The following F13A1 variants were observed in gnomAD, a reference collection of about 807,000 sequenced individuals.
The protein encoded by F13A1 is FSF, A subunit.
In F13A1, 47 loss-of-function variants were observed where a neutral mutation model predicts 80.1. That is an observed-to-expected ratio of 0.59 (90% CI 0.46 to 0.75). F13A1 has a LOEUF of 0.75. Among genes scored for constraint, F13A1 ranks in the 30% least tolerant of loss-of-function variants. The pLI, the probability that F13A1 is intolerant of heterozygous loss-of-function variation, is 0.00. For synonymous variants in F13A1, 349 were observed against 344.9 expected (o/e 1.01, Z -0.13); for missense variants, 817 against 930.4 (o/e 0.88, Z 1.59).
chr6:6,173,720 C>T (rs1002785275), intron 12 of F13A1, among the ~76,000 whole-genome samples: 8 of 152,130 alleles, frequency 5.3e-5, no homozygotes, highest in South Asian at 4.1e-4. Flanking sequence ...TATGTCAGCG[C>T]GTGTATCTTT....
intron 3 of F13A1, among the ~76,000 whole-genome samples, chr6:6,284,940 G>A (rs1348172086): frequency 6.6e-6 from 1 of 152,184 alleles, no homozygotes; most frequent in African/African-American, 2.4e-5. Flanking sequence ...AACTGTATCA[G>A]TATAGCTCAA....
chr6:6,221,708 A>G (rs1475867304), intron 8 of F13A1, among the ~76,000 whole-genome samples: 1 of 152,230 alleles, frequency 6.6e-6, no homozygotes, highest in Admixed American at 6.5e-5. Context: ...GCTTGGCTCC[A>G]ATACTTCTGC....
intron 11 of F13A1, among the ~76,000 whole-genome samples, chr6:6,180,696 G>A (rs1760965048): frequency 6.6e-6 from 1 of 152,172 alleles, no homozygotes; most frequent in South Asian, 2.1e-4. Flanking sequence ...ATAACCAACA[G>A]AAGAGGAAAA....
At chr6:6,234,606 G>A (rs1418989891) in intron 6 of F13A1, among the ~76,000 whole-genome samples, 4 of 151,968 alleles carry the variant, frequency 2.6e-5, no homozygotes, top group Admixed American at 1.3e-4. Flanking sequence ...ATAGGAGAAA[G>A]AGGAGAGGAA....
intron 10 of F13A1, among the ~76,000 whole-genome samples, chr6:6,184,226 G>T (rs1029120965): frequency 4.6e-5 from 7 of 152,220 alleles, no homozygotes; most frequent in African/African-American, 1.7e-4. Flanking sequence ...GACTCAGAAG[G>T]GGGAGGCAAA....
Position 6,250,853 on chromosome 6 carries a change from T to G in F13A1, c.648A>C (p.Gly216=). 6.2e-7 allele frequency: 1 copy of G among 1,613,732 alleles called. No individual in the cohort carries two copies. The highest frequency in any genetic ancestry group is 8.5e-7 in the Non-Finnish European group (1 of 1,179,772). Residue 216 remains glycine, a synonymous_variant, in exon 5 of 15, where the codon GGA becomes GGC. Coordinates refer to ENST00000264870, the MANE Select transcript of F13A1 (RefSeq NM_000129.4). The surrounding 1 kb of genome is among the most constrained non-coding windows in gnomAD (Gnocchi z 4.2). ...TTCTGGTCTTGATGTCATTGACCTC[T>G]CCATAAAAAATTACCCCGATGTCAT... ...VLNDIGVIFY[G]EVNDIKTRSW...
At chr6:6,169,235 C>T (rs903224650) in intron 12 of F13A1, 3 of 152,276 alleles carry the variant, frequency 2.0e-5, no homozygotes, top group African/African-American at 7.2e-5. Context: ...AGAATCAGCC[C>T]TGCAGACAGC....
At chr6:6,153,416 A>T (rs1300071120) in intron 13 of F13A1, among the ~76,000 whole-genome samples, 1 of 152,222 alleles carries the variant, frequency 6.6e-6, no homozygotes, top group Non-Finnish European at 1.5e-5. Context: ...TACAATTATT[A>T]TATATCGATT....
chr6:6,180,514 TG>T (rs1220096484), intron 11 of F13A1, among the ~76,000 whole-genome samples: 1 of 152,250 alleles, frequency 6.6e-6, no homozygotes, highest in Non-Finnish European at 1.5e-5. Flanking sequence ...AACTTTTCTA[TG>T]AACTTGCTTT....
Position 6,195,879 on chromosome 6 carries a change from T to G in F13A1, c.1223A>C (p.Tyr408Ser). ...TTGAACCGAGGCGGGGCCACACCGA[T>G]ACATGCCTGCATTGCACAGAGGAAG... ...STPQENSDGM[Y>S]RCGPASVQAI... Residue 408 changes from tyrosine to serine, a missense_variant, in exon 10 of 15, where the codon TAT (tyrosine) becomes TCT (serine). Transcript: ENST00000264870. 6.2e-7 allele frequency: 1 copy of G among 1,614,114 alleles called. No individual in the cohort carries two copies. Among genetic ancestry groups the G allele is most frequent in the Non-Finnish European group, 8.5e-7 (1 of 1,179,984 alleles).
intron 13 of F13A1, among the ~76,000 whole-genome samples, chr6:6,165,446 A>C (rs1760654537): frequency 6.6e-6 from 1 of 152,162 alleles, no homozygotes; most frequent in South Asian, 2.1e-4. Flanking sequence ...ATTAAATTCT[A>C]TTTTCTGCTG....
intron 8 of F13A1, among the ~76,000 whole-genome samples, chr6:6,221,267 T>A (rs772871069): frequency 5.9e-5 from 9 of 152,204 alleles, no homozygotes; most frequent in Non-Finnish European, 1.3e-4. Flanking sequence ...AAATGGAATT[T>A]CCCTGGGATC....
chr6:6,289,214 T>C (rs1259886730), intron 3 of F13A1, among the ~76,000 whole-genome samples: 1 of 152,138 alleles, frequency 6.6e-6, no homozygotes, highest in East Asian at 1.9e-4. Context: ...CTGTCACTGC[T>C]ATCCATGGTG....
intron 6 of F13A1, among the ~76,000 whole-genome samples, chr6:6,239,716 G>A (rs1462335089): frequency 9.5e-6 from 1 of 105,152 alleles, no homozygotes; most frequent in Non-Finnish European, 1.9e-5. Flanking sequence ...TGTGGACTGA[G>A]AGAGAAAACT....
intron 4 of F13A1, among the ~76,000 whole-genome samples, chr6:6,257,212 CATG>C (rs1453217083): frequency 3.3e-5 from 5 of 152,062 alleles, no homozygotes; most frequent in Non-Finnish European, 7.4e-5. Flanking sequence ...CTGGTGTCAC[CATG>C]ATATGTTTTT....
chr6:6,273,738 T>C (rs1365766725), intron 3 of F13A1, among the ~76,000 whole-genome samples: 1 of 152,210 alleles, frequency 6.6e-6, no homozygotes, highest in Non-Finnish European at 1.5e-5. Flanking sequence ...GCATGATGTA[T>C]GTGGCAGCGC....
chr6:6,255,527 C>T (rs113581069), intron 4 of F13A1, among the ~76,000 whole-genome samples: 28 of 152,092 alleles, frequency 1.8e-4, no homozygotes, highest in African/African-American at 5.3e-4. Flanking sequence ...CCTTGGAACA[C>T]GGTAGGAAAT....
chr6:6,199,649 A>T (rs4959374), intron 8 of F13A1, among the ~76,000 whole-genome samples: 1 of 152,124 alleles, frequency 6.6e-6, no homozygotes, highest in East Asian at 1.9e-4. Context: ...TGATATAGGT[A>T]AGGATAAGAT....
At chr6:6,151,296 C>T (rs1256039908) in intron 14 of F13A1, among the ~76,000 whole-genome samples, 1 of 152,048 alleles carries the variant, frequency 6.6e-6, no homozygotes, top group African/African-American at 2.4e-5. Context: ...CTGAATCCAA[C>T]AGTTGTAGAC....
Sources: gnomAD v4.1 joint callset for allele counts (sites outside exome capture counted in the v4.1 genomes callset) on GRCh38, gnomAD v4.1.1 for gene constraint, Gnocchi (gnomAD v3.1) non-coding constraint, MANE v1.5 for transcripts, NCBI Gene and HGNC (gene_info 2026-07-23, HGNC 2026-07-21) for gene names.